Variants in TET1 observed in about 807,000 individuals in gnomAD.
TET1 encodes the protein methylcytosine dioxygenase TET1.
A neutral mutation model predicts 148.7 loss-of-function variants in TET1; 13 were observed. The ratio of observed to expected loss-of-function variants is 0.09; its 90% CI spans 0.06 to 0.14. TET1 has a LOEUF of 0.14. Among genes scored for constraint, TET1 ranks in the 10% least tolerant of loss-of-function variants. TET1 has a pLI of 1.00. For synonymous variants in TET1, 907 were observed against 937.2 expected (o/e 0.97, Z 0.59); for missense variants, 2,182 against 2,553.8 (o/e 0.85, Z 3.14).
chr10:68,643,956 G>A (rs932461636), intron 3 of TET1, among the ~76,000 whole-genome samples: 6 of 151,936 alleles, frequency 3.9e-5, no homozygotes, highest in Non-Finnish European at 8.8e-5. Flanking sequence ...CCAGGCTGGA[G>A]TACAGTGGCA....
At position 68,646,689 on chromosome 10, in the gene TET1, G is replaced by T. The variant is rs147501802; in HGVS notation, c.3960G>T (p.Arg1320=). Residue 1320 remains arginine, a synonymous_variant, in exon 4 of 12, where the codon CGG becomes CGT. Coordinates refer to ENST00000373644, the MANE Select transcript of TET1 (RefSeq NM_030625.3). Reference sequence around the variant, plus strand: ...TGATGGCAGGCGATGACCAAATACGGTTTCAGCAGGTTGTTAAGGAGCAAC... The same window carrying T: ...TGATGGCAGGCGATGACCAAATACGTTTTCAGCAGGTTGTTAAGGAGCAAC... ...ANVMAGDDQI[R]FQQVVKEQLM... The T allele has an allele frequency of 2.5e-6, 4 of 1,614,136 alleles. No homozygotes were observed. Among genetic ancestry groups the T allele is most frequent in the Non-Finnish European group, 3.4e-6 (4 of 1,180,028 alleles).
intron 3 of TET1, among the ~76,000 whole-genome samples, chr10:68,627,367 G>A (rs140527900): frequency 0.017 from 2,655 of 151,930 alleles, 84 homozygotes; most frequent in African/African-American, 0.061. Flanking sequence ...CCAAGCTCAC[G>A]CCACCGTACT....
At chr10:68,584,884 G>A (rs542513197) in intron 2 of TET1, among the ~76,000 whole-genome samples, 9 of 150,740 alleles carry the variant, frequency 6.0e-5, no homozygotes, top group East Asian at 2.0e-4. Flanking sequence ...GCAGTGGTGC[G>A]ATCTAAGCTC....
At chr10:68,667,595 T>C (rs1223693855) in intron 7 of TET1, among the ~76,000 whole-genome samples, 2 of 151,834 alleles carry the variant, frequency 1.3e-5, no homozygotes, top group African/African-American at 4.8e-5. Flanking sequence ...ATACAAAAAA[T>C]TAGCCGGGCG....
In TET1 at chr10:68,639,074, T is replaced by TA. The variant is rs34061936; in HGVS notation, c.1969-5618dup. Among the ~76,000 whole-genome samples, 673 of 151,878 alleles carry TA rather than the reference T, an allele frequency of 4.4e-3. 3 individuals carry two copies. Among genetic ancestry groups the TA allele is most frequent in the African/African-American group, 0.016 (644 of 41,388 alleles). On this transcript the variant is annotated intron_variant, in intron 3 of 11. Transcript: ENST00000373644. ...TAAAAGTGATATGAAATATAACTAA[T>TA]AAAAAAGTTCAAGGGTTCTTAATTA...
At chr10:68,675,721 A>G (rs375804912) in intron 8 of TET1, among the ~76,000 whole-genome samples, 1 of 152,062 alleles carries the variant, frequency 6.6e-6, no homozygotes, top group East Asian at 1.9e-4. Flanking sequence ...CACTGTGGCC[A>G]GGCAGATTTT....
intron 1 of TET1, among the ~76,000 whole-genome samples, chr10:68,563,836 C>A (rs903123489): frequency 6.6e-6 from 1 of 152,176 alleles, no homozygotes; most frequent in African/African-American, 2.4e-5. Flanking sequence ...CGTGTGCCAC[C>A]ACACCTGGCT....
intron 2 of TET1, among the ~76,000 whole-genome samples, chr10:68,593,393 A>C (rs1244673515): frequency 2.0e-5 from 3 of 151,950 alleles, no homozygotes; most frequent in Non-Finnish European, 4.4e-5. Context: ...CAATAATTTT[A>C]AGTTCTCTGA....
chr10:68,645,235 C>A lies in TET1; in HGVS notation c.2506C>A (p.Pro836Thr). ...QQPGFNCSSIPHSSHSIINHH... is the reference protein window; with the variant it reads ...QQPGFNCSSITHSSHSIINHH... ...GCCTGGCTTTAACTGCAGTTCCATT[C>A]CACATTCTTCACACTCCATCATAAA... Residue 836 changes from proline to threonine, a missense_variant, in exon 4 of 12, where the codon CCA becomes ACA. By Grantham distance (38) the Pro-to-Thr change is conservative. Transcript: ENST00000373644. 1 of 1,614,060 alleles carries A rather than the reference C, an allele frequency of 6.2e-7. No individual in the cohort carries two copies. The highest frequency in any genetic ancestry group is 1.1e-5 in the South Asian group (1 of 91,068).
chr10:68,665,147 G>A (rs2055179727), intron 6 of TET1, among the ~76,000 whole-genome samples: 1 of 152,058 alleles, frequency 6.6e-6, no homozygotes, highest in Non-Finnish European at 1.5e-5. Context: ...TCATGAAGAT[G>A]TTTTCTTCTA....
Position 68,646,504 on chromosome 10 carries a change from C to G in TET1, c.3775C>G (p.Pro1259Ala). 6.2e-7 allele frequency: 1 copy of G among 1,614,120 alleles called. No homozygotes were observed. The highest frequency in any genetic ancestry group is 1.1e-5 in the South Asian group (1 of 91,084). Residue 1259 changes from proline (P) to alanine (A), a missense_variant, in exon 4 of 12, where the codon CCA becomes GCA. Coordinates refer to ENST00000373644, the MANE Select transcript of TET1 (RefSeq NM_030625.3). ...ESAEEKVKVE[P>A]LDSLSLFHLK... ...AGCAGAGGAAAAGGTGAAGGTTGAA[C>G]CATTGGATTCACTCAGCTTATTTCA...
intron 1 of TET1, among the ~76,000 whole-genome samples, chr10:68,567,760 A>T (rs1246914259): frequency 1.7e-5 from 2 of 115,910 alleles, no homozygotes; most frequent in East Asian, 2.8e-4. Context: ...CTTAAAAATT[A>T]AAAAAAAAAA....
At chr10:68,563,245 G>C (rs2053573452) in intron 1 of TET1, among the ~76,000 whole-genome samples, 2 of 152,104 alleles carry the variant, frequency 1.3e-5, no homozygotes, top group African/African-American at 2.4e-5. Context: ...GAGTTTCCCT[G>C]AACAGCTTTT....
At chr10:68,579,628 G>C (rs1365482992) in intron 2 of TET1, among the ~76,000 whole-genome samples, 1 of 152,188 alleles carries the variant, frequency 6.6e-6, no homozygotes, top group East Asian at 1.9e-4. Context: ...ACTACATGTA[G>C]TGTTCTCTTT....
chr10:68,662,465 T>C (rs1191172267), intron 6 of TET1, among the ~76,000 whole-genome samples: 1 of 151,128 alleles, frequency 6.6e-6, no homozygotes, highest in Non-Finnish European at 1.5e-5. Context: ...TTATTAATAA[T>C]AAATTTTACG....
At chr10:68,638,392 A>G (rs1436288204) in intron 3 of TET1, among the ~76,000 whole-genome samples, 2 of 152,178 alleles carry the variant, frequency 1.3e-5, no homozygotes, top group East Asian at 1.9e-4. Context: ...TCTTTCCTCA[A>G]CAATTTGATA....
intron 2 of TET1, among the ~76,000 whole-genome samples, chr10:68,591,538 C>T (rs2053918952): frequency 6.6e-6 from 1 of 152,128 alleles, no homozygotes; most frequent in South Asian, 2.1e-4. Context: ...TTGTGTGAGA[C>T]TCGAGTAAAT....
chr10:68,628,830 A>G (rs1036631326), intron 3 of TET1, among the ~76,000 whole-genome samples: 1 of 152,138 alleles, frequency 6.6e-6, no homozygotes, highest in Admixed American at 6.6e-5. Flanking sequence ...AACCCCTCCT[A>G]GGTGATGTTG....
chr10:68,572,732 A>G lies in TET1; in HGVS notation c.394A>G (p.Lys132Glu), dbSNP rs551824419. The G allele has an allele frequency of 6.8e-6, 11 of 1,614,130 alleles. No homozygotes were observed. Among genetic ancestry groups the G allele is most frequent in the African/African-American group, 5.3e-5 (4 of 75,038 alleles). Residue 132 changes from lysine (K) to glutamate (E), a missense_variant, in exon 2 of 12, where the codon AAG becomes GAG. By Grantham distance (56) the Lys-to-Glu change is moderately conservative (BLOSUM62 1). Transcript: ENST00000373644. ...VAKSKKVPLS[K>E]GLEKQHDCDY... ...CAAATCCAAAAAGGTTCCACTTTCT[A>G]AGGGTTTAGAAAAGCAACATGATTG...
Sources: allele counts gnomAD v4.1 joint callset (sites outside exome capture counted in the v4.1 genomes callset), GRCh38; gene constraint gnomAD v4.1.1; transcripts MANE v1.5; gene names NCBI Gene and HGNC (gene_info 2026-07-23, HGNC 2026-07-21).